The following STK3 variants were observed in gnomAD, a reference collection of about 807,000 sequenced individuals.
STK3 encodes the protein serine/threonine kinase 3, also known as serine/threonine-protein kinase 3.
In STK3, 41 loss-of-function variants were observed where a neutral mutation model predicts 58.0. That is an observed-to-expected ratio of 0.71 (90% confidence interval 0.55 to 0.92). STK3 has a LOEUF of 0.92. Ranked by LOEUF, STK3 falls within the 40% of genes least tolerant of loss-of-function variation. STK3 has a pLI of 0.00. For missense variants in STK3, 479 were observed against 602.7 expected (o/e 0.79, Z 2.15); for synonymous variants, 170 against 191.0 (o/e 0.89, Z 0.91).
intron 4 of STK3, among the ~76,000 whole-genome samples, chr8:98,737,377 A>T (rs1828687627): frequency 6.6e-6 from 1 of 152,214 alleles, no homozygotes; most frequent in African/African-American, 2.4e-5. Context: ...AGGACAAGAT[A>T]AAACTCCTAA....
chr8:98,595,660 C>T (rs1290852400), intron 7 of STK3: 1 of 157,016 alleles, frequency 6.4e-6, no homozygotes. Flanking sequence ...AATCCTGTAA[C>T]TGATATTTAC....
At chr8:98,582,100 G>C (rs1425239877) in intron 7 of STK3, among the ~76,000 whole-genome samples, 1 of 152,100 alleles carries the variant, frequency 6.6e-6, no homozygotes, top group African/African-American at 2.4e-5. Context: ...TTTTCAAGCA[G>C]TCTCAATTTT....
intron 1 of STK3, among the ~76,000 whole-genome samples, chr8:98,383,328 C>T (rs1015155178): frequency 6.6e-6 from 1 of 152,142 alleles, no homozygotes; most frequent in African/African-American, 2.4e-5. Flanking sequence ...TATGAAAGCC[C>T]ATGCATTGAA....
intron 1 of STK3, among the ~76,000 whole-genome samples, chr8:98,909,518 C>T (rs1043219711): frequency 6.6e-6 from 1 of 152,212 alleles, no homozygotes; most frequent in Non-Finnish European, 1.5e-5. Context: ...ATCTACCCAT[C>T]CCCTCCCCCA....
intron 3 of STK3, among the ~76,000 whole-genome samples, chr8:98,766,820 G>C (rs1273412897): frequency 1.3e-5 from 2 of 152,132 alleles, no homozygotes; most frequent in Non-Finnish European, 2.9e-5. Context: ...ACTTCCAATG[G>C]GAAGTCAGAA....
rs1048567039 is a variant in STK3 at position 98,622,685 on chromosome 8, T to C, written c.685-26516A>G. ...TTAAAGTAATCAACACATTTCTATA[T>C]CTCAGAAGAAGACGGAAATTATGTG... is the stretch of plus-strand genomic sequence containing the variant. On this transcript the variant is annotated intron_variant, in intron 6 of 10. Transcript: ENST00000419617. Among the ~76,000 whole-genome samples, 101 of 152,202 alleles carry C rather than the reference T, an allele frequency of 6.6e-4. 1 individual carries two copies. The highest frequency in any genetic ancestry group is 2.5e-4 in the Non-Finnish European group (17 of 68,028).
At chr8:98,819,039 G>A (rs1834729740) in intron 1 of STK3, among the ~76,000 whole-genome samples, 2 of 152,106 alleles carry the variant, frequency 1.3e-5, no homozygotes, top group Non-Finnish European at 2.9e-5. Context: ...TAGCCAGGAT[G>A]GTCTCGATCT....
At chr8:98,794,591 T>C (rs1358427112) in intron 1 of STK3, among the ~76,000 whole-genome samples, 1 of 152,048 alleles carries the variant, frequency 6.6e-6, no homozygotes, top group African/African-American at 2.4e-5. Context: ...CTATCAGATG[T>C]ACAAAGAAGG....
intron 10 of STK3, among the ~76,000 whole-genome samples, chr8:98,468,403 AAGAGATTC>A (rs1820646186): frequency 6.6e-6 from 1 of 152,250 alleles, no homozygotes; most frequent in Non-Finnish European, 1.5e-5. Flanking sequence ...AACACCCATG[AAGAGATTC>A]AGATATTTGT....
chr8:98,399,876 A>G (rs1382858667), downstream of STK3, among the ~76,000 whole-genome samples: 1 of 152,202 alleles, frequency 6.6e-6, no homozygotes, highest in Non-Finnish European at 1.5e-5. Flanking sequence ...GTGCTTCGGG[A>G]GGGTCACCCT....
downstream of STK3, among the ~76,000 whole-genome samples, chr8:98,398,232 T>C (rs937466426): frequency 6.6e-6 from 1 of 152,162 alleles, no homozygotes; most frequent in Non-Finnish European, 1.5e-5. Flanking sequence ...CCCGAGGCCA[T>C]GCAGCAGCTA....
At chr8:98,707,399 C>T (rs1826040183) in intron 4 of STK3, 88 bp from the exon 5 acceptor site, 5 of 992,012 alleles carry the variant, frequency 5.0e-6, no homozygotes, top group South Asian at 1.8e-5. Context: ...TATGTCTTTC[C>T]GTGTGTGTGT....
At chr8:98,868,704 G>A (rs3019289) in intron 3 of STK3, among the ~76,000 whole-genome samples, 41,603 of 151,860 alleles carry the variant, frequency 0.27, 6,303 homozygotes, top group East Asian at 0.44. Context: ...GCAGTGGCTC[G>A]TGCCTGTAAA....
chr8:98,492,152 C>T (rs1278698438), intron 10 of STK3, among the ~76,000 whole-genome samples: 2 of 152,198 alleles, frequency 1.3e-5, no homozygotes, highest in African/African-American at 4.8e-5. Context: ...CAATGACACA[C>T]ACTAATAATT....
chr8:98,805,970 C>A (rs1833863171), intron 1 of STK3, among the ~76,000 whole-genome samples: 1 of 152,190 alleles, frequency 6.6e-6, no homozygotes, highest in African/African-American at 2.4e-5. Context: ...CACACACATA[C>A]ACAAAGAACT....
At position 98,646,965 on chromosome 8, in the gene STK3, A is replaced by G. The variant is rs544173595; in HGVS notation, c.685-50796T>C. ...CTCAACAAAACCTAAGTAATCCTTTAAAAATGTAAATCAGATCTTATCACT... is the reference window on the plus strand; with the variant it reads ...CTCAACAAAACCTAAGTAATCCTTTGAAAATGTAAATCAGATCTTATCACT... On this transcript the variant is annotated intron_variant, in intron 6 of 10. Transcript: ENST00000419617. 7.9e-5 allele frequency among the ~76,000 whole-genome samples: 12 copies of G among 152,194 alleles called. No homozygotes were observed. The East Asian group carries it at 2.3e-3, about 29-fold the overall frequency.
intron 10 of STK3, among the ~76,000 whole-genome samples, chr8:98,503,137 G>T (rs1823759677): frequency 6.6e-6 from 1 of 152,138 alleles, no homozygotes; most frequent in Non-Finnish European, 1.5e-5. Flanking sequence ...GGTCTTGGGA[G>T]CATGTATGTG....
intron 7 of STK3, among the ~76,000 whole-genome samples, chr8:98,584,227 T>A (rs553058731): frequency 1.3e-5 from 2 of 152,200 alleles, no homozygotes; most frequent in Non-Finnish European, 2.9e-5. Context: ...TAGGTATATC[T>A]CCTAATGCTA....
At chr8:98,724,464 G>A (rs965949295) in intron 4 of STK3, among the ~76,000 whole-genome samples, 23 of 152,316 alleles carry the variant, frequency 1.5e-4, no homozygotes, top group African/African-American at 5.1e-4. Context: ...CTTTGTGTTT[G>A]AACATAGTGT....
Sources: allele counts gnomAD v4.1 joint callset (sites outside exome capture counted in the v4.1 genomes callset), GRCh38; gene constraint gnomAD v4.1.1; transcripts MANE v1.5; gene names NCBI Gene and HGNC (gene_info 2026-07-23, HGNC 2026-07-21).